Variants in RSU1 observed in about 807,000 individuals in gnomAD.
RSU1 encodes Ras suppressor protein 1, also known as rsu-1.
Under a neutral mutation model 31.1 loss-of-function variants are expected in RSU1, and 26 were observed. The ratio of observed to expected loss-of-function variants is 0.84; its 90% CI spans 0.61 to 1.16. The LOEUF is 1.16. RSU1 is among the 50% of genes most tolerant of loss of function. The pLI is 0.00. For synonymous variants in RSU1, 164 were observed against 136.3 expected (o/e 1.20, Z -1.41); for missense variants, 320 against 339.1 (o/e 0.94, Z 0.44).
At chr10:16,701,615 T>TACACACAC (rs45628736) in intron 7 of RSU1, among the ~76,000 whole-genome samples, 1 of 150,902 alleles carries the variant, frequency 6.6e-6, no homozygotes, top group East Asian at 2.0e-4. Flanking sequence ...TAGTACAACT[T>TACACACAC]ACACACACAC....
chr10:16,766,978 G>C (rs1003570446), intron 3 of RSU1, among the ~76,000 whole-genome samples: 15 of 150,536 alleles, frequency 1.0e-4, no homozygotes, highest in African/African-American at 3.2e-4. Context: ...CCGAGATCAA[G>C]CCATTACACT....
At chr10:16,632,329 G>GA (rs1226011154) in intron 8 of RSU1, among the ~76,000 whole-genome samples, 2 of 152,082 alleles carry the variant, frequency 1.3e-5, no homozygotes, top group Non-Finnish European at 2.9e-5. Context: ...ATAAGCTATT[G>GA]AAAAAACAAG....
intron 7 of RSU1, among the ~76,000 whole-genome samples, chr10:16,737,936 A>G (rs1836664457): frequency 6.6e-6 from 1 of 152,246 alleles, no homozygotes; most frequent in Non-Finnish European, 1.5e-5. Context: ...TATATAGACT[A>G]TGAATTTTGA....
At chr10:16,644,896 A>AT (rs925590130) in intron 8 of RSU1, among the ~76,000 whole-genome samples, 21 of 152,268 alleles carry the variant, frequency 1.4e-4, no homozygotes, top group South Asian at 8.3e-4. Flanking sequence ...GCAATCACCT[A>AT]TTTTTTCATG....
At chr10:16,641,267 A>G (rs1427578994) in intron 8 of RSU1, among the ~76,000 whole-genome samples, 1 of 152,144 alleles carries the variant, frequency 6.6e-6, no homozygotes, top group Non-Finnish European at 1.5e-5. Context: ...TGTTTCCTCA[A>G]AGCAGATTGA....
At chr10:16,598,815 G>C (rs1021759578) in intron 8 of RSU1, among the ~76,000 whole-genome samples, 6 of 152,140 alleles carry the variant, frequency 3.9e-5, no homozygotes, top group Admixed American at 3.9e-4. Flanking sequence ...TAATGTGTTA[G>C]AGCAATAGAG....
rs1379553587 is a variant in RSU1 at position 16,812,340 on chromosome 10, G to A, written c.109+4633C>T. 3.9e-5 allele frequency among the ~76,000 whole-genome samples: 6 copies of A among 152,328 alleles called. No individual in the cohort carries two copies. The South Asian group carries it at 1.2e-3, about 32-fold the overall frequency. Reference sequence around the variant, plus strand: ...GCCTGTAACCCCAGTTACTGGGGAGGCTGAGGCAGGAGAATCGCTTGAACC... The same window carrying A: ...GCCTGTAACCCCAGTTACTGGGGAGACTGAGGCAGGAGAATCGCTTGAACC... On this transcript the variant is annotated intron_variant, in intron 2 of 8. Transcript: ENST00000345264.
chr10:16,598,825 G>A (rs1299666084), intron 8 of RSU1, among the ~76,000 whole-genome samples: 1 of 152,022 alleles, frequency 6.6e-6, no homozygotes, highest in African/African-American at 2.4e-5. Context: ...GAGCAATAGA[G>A]AACTAACATA....
chr10:16,664,845 A>C (rs1048134423), intron 8 of RSU1, among the ~76,000 whole-genome samples: 21 of 152,240 alleles, frequency 1.4e-4, no homozygotes, highest in African/African-American at 5.1e-4. Context: ...ACTCTAGCCT[A>C]TGCTTGCTGA....
intron 8 of RSU1, among the ~76,000 whole-genome samples, chr10:16,595,996 C>A (rs532629076): frequency 6.6e-6 from 1 of 151,878 alleles, no homozygotes; most frequent in East Asian, 1.9e-4. Context: ...TCCATGAAAG[C>A]GCATTTTTCA....
chr10:16,679,905 A>G (rs1835298384), intron 8 of RSU1, among the ~76,000 whole-genome samples: 2 of 144,224 alleles, frequency 1.4e-5, no homozygotes, highest in South Asian at 4.5e-4. Flanking sequence ...TTTATGAGAC[A>G]GAGTCTCACT....
chr10:16,645,881 T>C (rs1254970254), intron 8 of RSU1, among the ~76,000 whole-genome samples: 1 of 101,068 alleles, frequency 9.9e-6, no homozygotes, highest in South Asian at 3.3e-4. Flanking sequence ...CATATATGTG[T>C]ATATACATAT....
intron 7 of RSU1, among the ~76,000 whole-genome samples, chr10:16,715,264 T>C (rs1239742735): frequency 6.6e-6 from 1 of 152,224 alleles, no homozygotes; most frequent in African/African-American, 2.4e-5. Context: ...GCCTTTTCAT[T>C]GTGTTGATGT....
intron 2 of RSU1, among the ~76,000 whole-genome samples, chr10:16,784,052 G>A (rs1175057393): frequency 6.6e-6 from 1 of 151,914 alleles, no homozygotes; most frequent in Non-Finnish European, 1.5e-5. Flanking sequence ...AAGATTGCAG[G>A]GGCAATTGTT....
chr10:16,714,302 C>T (rs1836085326), intron 7 of RSU1, among the ~76,000 whole-genome samples: 1 of 152,150 alleles, frequency 6.6e-6, no homozygotes, highest in African/African-American at 2.4e-5. Flanking sequence ...GGAGCAGGTC[C>T]ACCACTGGCC....
chr10:16,638,583 G>A (rs536780936), intron 8 of RSU1, among the ~76,000 whole-genome samples: 30 of 152,288 alleles, frequency 2.0e-4, no homozygotes, highest in Admixed American at 1.4e-3. Flanking sequence ...TGAGAGGTTC[G>A]TTTTGGATGA....
intron 7 of RSU1, chr10:16,721,276 C>G (rs1004443858): frequency 5.3e-5 from 8 of 152,272 alleles, no homozygotes; most frequent in African/African-American, 1.9e-4. Flanking sequence ...AGCAGAGTCT[C>G]CAATATCTCT....
chr10:16,694,089 G>C (rs1005086475), intron 8 of RSU1, among the ~76,000 whole-genome samples: 4 of 152,072 alleles, frequency 2.6e-5, no homozygotes, highest in Non-Finnish European at 5.9e-5. Context: ...AACAACAGAA[G>C]CACGTGGAAG....
chr10:16,715,509 T>C (rs2131584190), intron 7 of RSU1, among the ~76,000 whole-genome samples: 1 of 152,348 alleles, frequency 6.6e-6, no homozygotes, highest in East Asian at 1.9e-4. Context: ...TCCAACTTCA[T>C]TCTTTTGCAT....
Sources: allele counts gnomAD v4.1 joint callset (sites outside exome capture counted in the v4.1 genomes callset), GRCh38; gene constraint gnomAD v4.1.1; transcripts MANE v1.5; gene names NCBI Gene and HGNC (gene_info 2026-07-23, HGNC 2026-07-21).